TTC28: variants seen among roughly 807,000 people sequenced by gnomAD.
TTC28 encodes tetratricopeptide repeat domain 28.
A neutral mutation model predicts 198.0 loss-of-function variants in TTC28; 61 were observed. That is an observed-to-expected ratio of 0.31 (90% CI 0.25 to 0.38). The LOEUF (loss-of-function observed/expected upper bound fraction) is 0.38, where lower values mean the gene tolerates loss of function less well. TTC28 is among the 10% of genes least tolerant of loss of function. The pLI is 1.00. For synonymous variants in TTC28, 1,171 were observed against 1,297.8 expected, an observed-to-expected ratio of 0.90 and a Z score of 2.10; for missense variants, 2,678 against 3,164.0, an observed-to-expected ratio of 0.85 and a Z score of 3.69.
chr22:28,254,378 G>A (rs1335329613), intron 5 of TTC28, among the ~76,000 whole-genome samples: 1 of 151,958 alleles, frequency 6.6e-6, no homozygotes, highest in Non-Finnish European at 1.5e-5. Context: ...GGATATATTT[G>A]GGAAAGCCCC....
Position 28,105,554 on chromosome 22 carries a change from C to G in TTC28, c.3032G>C (p.Gly1011Ala). ...CGLGGVYQQM[G>A]EYDTALQYHQ... Reference sequence around the variant, plus strand: ...GTACTGCAGGGCTGTGTCATACTCCCCCATCTGCTGGTAAACGCCCCCCAG... The same window carrying G: ...GTACTGCAGGGCTGTGTCATACTCCGCCATCTGCTGGTAAACGCCCCCCAG... Residue 1011 changes from glycine (G) to alanine (A), a missense_variant, in exon 8 of 23, where the codon GGG (glycine) becomes GCG (alanine). Gly to Ala is a moderately conservative substitution (Grantham distance 60, BLOSUM62 0). Coordinates refer to ENST00000397906, the MANE Select transcript of TTC28 (RefSeq NM_001145418.2). 1 of 1,551,704 alleles carries G rather than the reference C, an allele frequency of 6.4e-7. No homozygotes were observed. Among genetic ancestry groups the G allele is most frequent in the East Asian group, 2.4e-5 (1 of 40,908 alleles).
At position 28,108,151 on chromosome 22, in the gene TTC28, T is replaced by C; in HGVS notation, c.1694A>G (p.Gln565Arg). The C allele has an allele frequency of 6.4e-7, 1 of 1,551,706 alleles. No individual in the cohort carries two copies. The highest frequency in any genetic ancestry group is 8.7e-7 in the Non-Finnish European group (1 of 1,146,988). The change falls in exon 7 of 23, where the codon CAG (glutamine) becomes CGG (arginine). Residue 565 changes from glutamine (Q) to arginine (R), a missense_variant. Transcript: ENST00000397906. Reference sequence around the variant, plus strand: ...GGCCCGGTCATGGGCACCCAGGGCCTGGTAGGCCACGGCAAGGTTCCCATG... The same window carrying C: ...GGCCCGGTCATGGGCACCCAGGGCCCGGTAGGCCACGGCAAGGTTCCCATG... ...STHGNLAVAY[Q>R]ALGAHDRALQ...
intron 12 of TTC28, among the ~76,000 whole-genome samples, chr22:28,047,602 G>A (rs752313612): frequency 5.3e-5 from 8 of 152,204 alleles, no homozygotes; most frequent in Non-Finnish European, 8.8e-5. Flanking sequence ...GCAAAGCCAT[G>A]TATCCAAGCA....
At chr22:28,091,809 A>G (rs1419591275) in intron 12 of TTC28, among the ~76,000 whole-genome samples, 2 of 152,204 alleles carry the variant, frequency 1.3e-5, no homozygotes, top group Admixed American at 6.5e-5. Context: ...TAAACAACAG[A>G]GTATATAAAA....
chr22:28,445,720 A>C (rs1013908721), intron 2 of TTC28, among the ~76,000 whole-genome samples: 7 of 152,238 alleles, frequency 4.6e-5, no homozygotes, highest in Admixed American at 4.6e-4. Context: ...TCCCTTCAGG[A>C]GTCTATTCAG....
chr22:28,185,184 C>T (rs1924075262), intron 5 of TTC28, among the ~76,000 whole-genome samples: 1 of 152,108 alleles, frequency 6.6e-6, no homozygotes, highest in Admixed American at 6.6e-5. Flanking sequence ...TTTATTTTTC[C>T]CTACAGCTGC....
intron 1 of TTC28, among the ~76,000 whole-genome samples, chr22:28,663,606 C>A (rs2051790156): frequency 8.5e-6 from 1 of 117,772 alleles, no homozygotes; most frequent in Admixed American, 8.8e-5. Context: ...AGAAACGGCG[C>A]ACCACGAGAC....
Position 27,978,236 on chromosome 22 carries a change from T to C in TTC28, c.*3985A>G, listed in dbSNP as rs1936911400. On this transcript the variant is annotated 3_prime_UTR_variant, in exon 23 of 23. Transcript: ENST00000397906. ...AGGAACGTGAATGCCAGTGGGAAGGTGTCTGAGGAGGGGCAGGGCCACAGG... is the reference window on the plus strand; with the variant it reads ...AGGAACGTGAATGCCAGTGGGAAGGCGTCTGAGGAGGGGCAGGGCCACAGG... 6.6e-6 allele frequency: 1 copy of C among 152,068 alleles called. No individual in the cohort carries two copies. Among genetic ancestry groups the C allele is most frequent in the South Asian group, 2.1e-4 (1 of 4,828 alleles). The allele number at this position is 152,068 out of a possible 1,614,324, so 9.4% of individuals were successfully genotyped here.
At chr22:28,318,749 CAT>C (rs934563359) in intron 2 of TTC28, among the ~76,000 whole-genome samples, 8 of 149,006 alleles carry the variant, frequency 5.4e-5, no homozygotes, top group South Asian at 2.1e-4. Flanking sequence ...ACCCTACACA[CAT>C]GTCAATGTAG....
chr22:28,344,396 A>G (rs541351437), intron 2 of TTC28, among the ~76,000 whole-genome samples: 2 of 152,256 alleles, frequency 1.3e-5, no homozygotes, highest in South Asian at 4.1e-4. Flanking sequence ...CTTAAGAACT[A>G]AGACATGACA....
rs760016036 is a variant in TTC28, at chr22:27,982,925, C to T, written c.6742G>A (p.Gly2248Arg). ...RSSSLPKVSS[G>R]YSSPTTSEMS... ...TCTGAGGTGGTGGGGCTGCTATATC[C>T]GGAACTCACCTTGGGCAGGGAGGAG... Residue 2248 changes from glycine to arginine, a missense_variant, in exon 23 of 23, where the codon GGA becomes AGA. Gly to Arg is a moderately radical substitution (Grantham distance 125, BLOSUM62 -2). This residue lies in a region of TTC28 where 622 missense variants were observed against 656.0 expected (regional missense o/e 0.95). Transcript: ENST00000397906. This position sits in a 1 kb window ranked among gnomAD's most constrained non-coding sequence, Gnocchi z 5.2. 29 of 1,551,506 alleles carry T rather than the reference C, an allele frequency of 1.9e-5. No homozygotes were observed. The highest frequency in any genetic ancestry group is 5.9e-5 in the South Asian group (5 of 84,052).
At chr22:28,199,959 A>T (rs902830815) in intron 5 of TTC28, among the ~76,000 whole-genome samples, 1 of 152,190 alleles carries the variant, frequency 6.6e-6, no homozygotes, top group African/African-American at 2.4e-5. Flanking sequence ...AGTAAAATAC[A>T]TAAAAACATT....
At chr22:28,048,491 G>A (rs1939953767) in intron 12 of TTC28, among the ~76,000 whole-genome samples, 2 of 152,122 alleles carry the variant, frequency 1.3e-5, no homozygotes, top group South Asian at 4.2e-4. Flanking sequence ...TAGGATGGCA[G>A]TGTAGGATAT....
At chr22:28,191,287 G>A (rs934377973) in intron 5 of TTC28, among the ~76,000 whole-genome samples, 1 of 152,234 alleles carries the variant, frequency 6.6e-6, no homozygotes, top group Non-Finnish European at 1.5e-5. Flanking sequence ...ACTAAATAGA[G>A]ATGAAAACAA....
chr22:28,579,880 G>C (rs940664391), intron 2 of TTC28, among the ~76,000 whole-genome samples: 8 of 152,022 alleles, frequency 5.3e-5, no homozygotes, highest in African/African-American at 1.7e-4. Flanking sequence ...TGAGATGGAA[G>C]AACCACTTGA....
At chr22:28,501,416 G>C (rs1008386157) in intron 2 of TTC28, among the ~76,000 whole-genome samples, 5 of 152,092 alleles carry the variant, frequency 3.3e-5, no homozygotes, top group African/African-American at 1.2e-4. Flanking sequence ...TGATGAGTTT[G>C]ATGTAGTGAA....
chr22:28,611,143 C>T (rs939752953), intron 2 of TTC28, among the ~76,000 whole-genome samples: 1 of 152,174 alleles, frequency 6.6e-6, no homozygotes, highest in African/African-American at 2.4e-5. Flanking sequence ...AGTTGGAAAA[C>T]ACTCTTCAGG....
chr22:28,612,894 T>C (rs4432566), intron 2 of TTC28, among the ~76,000 whole-genome samples: 109 of 152,212 alleles, frequency 7.2e-4, no homozygotes, highest in Non-Finnish European at 1.3e-3. Flanking sequence ...ATATCTAAAA[T>C]TGACACTCTA....
chr22:28,526,715 A>G (rs1027780868), intron 2 of TTC28, among the ~76,000 whole-genome samples: 3 of 152,072 alleles, frequency 2.0e-5, no homozygotes, highest in African/African-American at 4.8e-5. Context: ...TCACTACAGG[A>G]GAGAGGAAGA....
Sources: gnomAD v4.1 joint callset for allele counts (sites outside exome capture counted in the v4.1 genomes callset) on GRCh38, gnomAD v4.1.1 for gene constraint, gnomAD v4.1.1 regional missense constraint, Gnocchi (gnomAD v3.1) non-coding constraint, MANE v1.5 for transcripts, NCBI Gene and HGNC (gene_info 2026-07-23, HGNC 2026-07-21) for gene names.